CDKAL1: variants seen among roughly 807,000 people sequenced by gnomAD.
CDKAL1 encodes threonylcarbamoyladenosine tRNA methylthiotransferase.
In CDKAL1, 32 loss-of-function variants were observed where a neutral mutation model predicts 68.2. That is an observed-to-expected ratio of 0.47 (90% CI 0.35 to 0.63). The LOEUF (loss-of-function observed/expected upper bound fraction) is 0.63. CDKAL1 is among the 30% of genes least tolerant of loss of function. CDKAL1 has a pLI of 0.00. For synonymous variants in CDKAL1, 234 were observed against 244.3 expected, an observed-to-expected ratio of 0.96 and a Z score of 0.39; for missense variants, 606 against 696.7, an observed-to-expected ratio of 0.87 and a Z score of 1.47.
chr6:20,658,205 A>G (rs1769118873), intron 5 of CDKAL1, among the ~76,000 whole-genome samples: 1 of 152,236 alleles, frequency 6.6e-6, no homozygotes, highest in Non-Finnish European at 1.5e-5. Context: ...GACAGAAAGA[A>G]TAGCCAGCTT....
chr6:20,655,704 G>C (rs1017227745), intron 5 of CDKAL1, among the ~76,000 whole-genome samples: 1 of 152,016 alleles, frequency 6.6e-6, no homozygotes. Context: ...TCCCACCCCC[G>C]GTCTGTGGAA....
chr6:21,079,595 TC>T lies in CDKAL1; in HGVS notation c.1236+14369del, dbSNP rs144546186. 8.1e-3 allele frequency among the ~76,000 whole-genome samples: 1,229 copies of T among 152,378 alleles called. 17 individuals are homozygous for T. Among genetic ancestry groups the T allele is most frequent in the African/African-American group, 0.028 (1,169 of 41,592 alleles). The stretch of plus-strand genomic sequence containing the variant: ...CCACAGGCATTCACTAATTGGGTTT[TC>T]CTTGACTGTAGACTTAACAGATCAA... On this transcript the variant is annotated intron_variant, in intron 12 of 15. Transcript: ENST00000274695.
chr6:20,603,565 G>A (rs1325458490), intron 4 of CDKAL1, among the ~76,000 whole-genome samples: 1 of 152,044 alleles, frequency 6.6e-6, no homozygotes, highest in African/African-American at 2.4e-5. Flanking sequence ...GTTTATAAGT[G>A]GGTCTGGATG....
chr6:21,214,341 A>C (rs1410762813), intron 15 of CDKAL1, among the ~76,000 whole-genome samples: 1 of 152,004 alleles, frequency 6.6e-6, no homozygotes, highest in Non-Finnish European at 1.5e-5. Context: ...ATACCATATA[A>C]AAATTTTTAC....
chr6:20,892,334 A>G (rs1761452716), intron 9 of CDKAL1, among the ~76,000 whole-genome samples: 1 of 152,244 alleles, frequency 6.6e-6, no homozygotes, highest in Admixed American at 6.5e-5. Flanking sequence ...ATGGATCCTT[A>G]TTCAAACAAA....
At chr6:20,859,035 G>T (rs538696854) in intron 9 of CDKAL1, among the ~76,000 whole-genome samples, 2 of 151,774 alleles carry the variant, frequency 1.3e-5, no homozygotes, top group South Asian at 4.2e-4. Context: ...CCATTTTTTA[G>T]TATAGGAAAT....
intron 10 of CDKAL1, among the ~76,000 whole-genome samples, chr6:20,992,964 A>G (rs976762596): frequency 3.3e-5 from 5 of 152,140 alleles, no homozygotes; most frequent in Admixed American, 3.3e-4. Context: ...CTTGAAACCA[A>G]TAAGTGAAAG....
At chr6:20,983,783 A>G (rs1766287819) in intron 10 of CDKAL1, among the ~76,000 whole-genome samples, 1 of 152,172 alleles carries the variant, frequency 6.6e-6, no homozygotes, top group Non-Finnish European at 1.5e-5. Flanking sequence ...CATAATACCT[A>G]TATATTTTAT....
In CDKAL1 at chr6:21,065,189, A is replaced by G; in HGVS notation, c.1197A>G (p.Gly399=). 6.2e-7 allele frequency: 1 copy of G among 1,610,474 alleles called. No homozygotes were observed. ...TTAACCAATTTTACCCAAGACCAGG[A>G]ACTCCTGCTGCAAAAATGGAACAAG... is the stretch of plus-strand genomic sequence containing the variant. ...LFINQFYPRP[G]TPAAKMEQVP... Residue 399 remains glycine (G), a synonymous_variant, in exon 12 of 16, where the codon GGA becomes GGG. Coordinates refer to ENST00000274695, the MANE Select transcript of CDKAL1 (RefSeq NM_017774.3).
chr6:20,731,232 A>G (rs77440701), intron 5 of CDKAL1, among the ~76,000 whole-genome samples: 2 of 152,196 alleles, frequency 1.3e-5, no homozygotes, highest in East Asian at 3.8e-4. Context: ...AACGATTTTC[A>G]GGAGAAGAGT....
intron 8 of CDKAL1, among the ~76,000 whole-genome samples, chr6:20,794,437 A>G (rs1480696627): frequency 6.6e-6 from 1 of 152,142 alleles, no homozygotes; most frequent in African/African-American, 2.4e-5. Context: ...CCAGCTAATG[A>G]GAATGATCTG....
intron 13 of CDKAL1, among the ~76,000 whole-genome samples, chr6:21,117,287 TG>T (rs1421187949): frequency 4.8e-5 from 5 of 103,588 alleles, no homozygotes; most frequent in Admixed American, 8.7e-5. Flanking sequence ...TCAGATAAAT[TG>T]TTTTTTTTTT....
intron 12 of CDKAL1, among the ~76,000 whole-genome samples, chr6:21,079,273 T>C (rs115544529): frequency 2.0e-5 from 3 of 152,170 alleles, no homozygotes; most frequent in African/African-American, 7.2e-5. Flanking sequence ...ATATAAGCCA[T>C]GTTAAATAGC....
chr6:20,934,044 G>A (rs73375707), intron 9 of CDKAL1, among the ~76,000 whole-genome samples: 1,620 of 152,050 alleles, frequency 0.011, 31 homozygotes, highest in African/African-American at 0.036. Context: ...CCAAGGATCA[G>A]TAAAGGGATT....
chr6:21,176,682 GTT>G, intron 13 of CDKAL1, among the ~76,000 whole-genome samples: 1 of 119,866 alleles, frequency 8.3e-6, no homozygotes. Context: ...CTGGATGTTG[GTT>G]TTTTTTTTTT....
intron 10 of CDKAL1, among the ~76,000 whole-genome samples, chr6:20,977,809 C>T (rs1224881116): frequency 2.6e-5 from 4 of 152,064 alleles, no homozygotes; most frequent in African/African-American, 7.2e-5. Context: ...GCCCAGGAGG[C>T]GGAGGCTGCA....
At chr6:20,727,078 C>T (rs115556061) in intron 5 of CDKAL1, among the ~76,000 whole-genome samples, 5 of 152,076 alleles carry the variant, frequency 3.3e-5, no homozygotes, top group African/African-American at 1.2e-4. Context: ...CCTGATAGCT[C>T]CTATTGTTAA....
intron 9 of CDKAL1, among the ~76,000 whole-genome samples, chr6:20,856,427 T>G (rs1029177764): frequency 6.6e-6 from 1 of 152,222 alleles, no homozygotes; most frequent in East Asian, 1.9e-4. Flanking sequence ...TCCAGCACAA[T>G]TGAATGCTGT....
At chr6:21,103,437 G>GA (rs70990102) in intron 12 of CDKAL1, among the ~76,000 whole-genome samples, 69 of 148,310 alleles carry the variant, frequency 4.7e-4, no homozygotes, top group East Asian at 4.3e-3. Flanking sequence ...TTGAGTATAA[G>GA]AAAAAAAAAA....
Sources: gnomAD v4.1 joint callset for allele counts (sites outside exome capture counted in the v4.1 genomes callset) on GRCh38, gnomAD v4.1.1 for gene constraint, MANE v1.5 for transcripts, NCBI Gene and HGNC (gene_info 2026-07-23, HGNC 2026-07-21) for gene names.